The following SORCS3 variants were observed in gnomAD, a reference collection of about 807,000 sequenced individuals.
The protein encoded by SORCS3 is sortilin related VPS10 domain containing receptor 3.
In SORCS3, 57 loss-of-function variants were observed where a neutral mutation model predicts 146.3. The observed-to-expected ratio is 0.39, with a 90% CI of 0.31 to 0.49. SORCS3 has a LOEUF of 0.49. SORCS3 is among the 20% of genes least tolerant of loss of function. The probability of loss-of-function intolerance (pLI) is 0.92; values close to 1 mark genes in which losing one functional copy is unlikely to be tolerated. For synonymous variants in SORCS3, 653 were observed against 618.5 expected (o/e 1.06, Z -0.83); for missense variants, 1,341 against 1,575.5 (o/e 0.85, Z 2.52).
At chr10:105,209,543 A>G (rs987842639) in intron 16 of SORCS3, among the ~76,000 whole-genome samples, 1 of 152,220 alleles carries the variant, frequency 6.6e-6, no homozygotes, top group African/African-American at 2.4e-5. Flanking sequence ...CCAAAAACAA[A>G]CAAACAAACA....
intron 7 of SORCS3, among the ~76,000 whole-genome samples, chr10:105,121,461 G>T (rs1372366727): frequency 2.0e-5 from 3 of 152,144 alleles, no homozygotes; most frequent in Non-Finnish European, 4.4e-5. Context: ...GGCTGTCTGG[G>T]TTTATAAAGG....
chr10:105,003,057 G>A (rs567255036), intron 4 of SORCS3, among the ~76,000 whole-genome samples: 1 of 152,222 alleles, frequency 6.6e-6, no homozygotes, highest in Admixed American at 6.5e-5. Context: ...TGGTGGCACT[G>A]GGAAGTAAAC....
intron 1 of SORCS3, among the ~76,000 whole-genome samples, chr10:104,837,660 A>G (rs576713996): frequency 6.6e-6 from 1 of 152,334 alleles, no homozygotes; most frequent in East Asian, 1.9e-4. Context: ...CAAAGAAAAC[A>G]AAAGTTATCT....
At chr10:105,047,627 T>C (rs537204838) in intron 5 of SORCS3, among the ~76,000 whole-genome samples, 1 of 152,222 alleles carries the variant, frequency 6.6e-6, no homozygotes, top group African/African-American at 2.4e-5. Context: ...TATCAGGCCA[T>C]GTTAGGCAAT....
chr10:105,120,829 T>G (rs12267262), intron 7 of SORCS3, among the ~76,000 whole-genome samples: 1 of 151,958 alleles, frequency 6.6e-6, no homozygotes, highest in African/African-American at 2.4e-5. Flanking sequence ...CACCCCTGAG[T>G]TATTGGTAGT....
intron 1 of SORCS3, among the ~76,000 whole-genome samples, chr10:104,731,586 C>T (rs2016707219): frequency 1.3e-5 from 2 of 152,298 alleles, no homozygotes; most frequent in African/African-American, 2.4e-5. Context: ...AGACTCTAGG[C>T]TTTGGATCAC....
chr10:104,720,641 T>C (rs188662301), intron 1 of SORCS3, among the ~76,000 whole-genome samples: 4,736 of 152,252 alleles, frequency 0.031, 244 homozygotes, highest in African/African-American at 0.11. Flanking sequence ...GCACCTGTTG[T>C]TTCCTGACTT....
chr10:104,890,460 A>T (rs2018738746), intron 2 of SORCS3, among the ~76,000 whole-genome samples: 1 of 151,910 alleles, frequency 6.6e-6, no homozygotes, highest in Non-Finnish European at 1.5e-5. Context: ...TTTCCTTGTA[A>T]TGTCTAATCT....
At chr10:105,142,226 G>C (rs775108120) in intron 8 of SORCS3, among the ~76,000 whole-genome samples, 4 of 152,098 alleles carry the variant, frequency 2.6e-5, no homozygotes, top group Non-Finnish European at 5.9e-5. Context: ...TTCTGTATGG[G>C]ATTCAGGTTG....
chr10:105,164,487 A>C, intron 12 of SORCS3, 108 bp downstream of exon 12: 1 of 866,238 alleles, frequency 1.2e-6, no homozygotes, highest in Non-Finnish European at 1.9e-6. Context: ...GTAATTTCAA[A>C]ACATTTGAAG....
chr10:105,184,632 A>T (rs1420740759), intron 14 of SORCS3, among the ~76,000 whole-genome samples: 2 of 152,152 alleles, frequency 1.3e-5, no homozygotes, highest in African/African-American at 4.8e-5. Flanking sequence ...AAGTTTCCTT[A>T]TTTCTTTAAA....
chr10:105,230,832 A>G (rs999003925), intron 20 of SORCS3, among the ~76,000 whole-genome samples: 1 of 152,186 alleles, frequency 6.6e-6, no homozygotes, highest in Non-Finnish European at 1.5e-5. Flanking sequence ...GGTTCTCAAA[A>G]TGGCACCTTG....
intron 14 of SORCS3, among the ~76,000 whole-genome samples, chr10:105,191,414 G>A (rs1302830676): frequency 1.3e-5 from 2 of 152,114 alleles, no homozygotes; most frequent in African/African-American, 4.8e-5. Flanking sequence ...CTCAAAACCT[G>A]TACAGTTTTG....
At chr10:105,257,574 AT>A (rs1007578277) in intron 25 of SORCS3, among the ~76,000 whole-genome samples, 5 of 152,244 alleles carry the variant, frequency 3.3e-5, no homozygotes, top group African/African-American at 1.2e-4. Flanking sequence ...TAACATTCAA[AT>A]TATAACTTCT....
intron 25 of SORCS3, 74 bp from the exon 26 acceptor site, chr10:105,262,257 C>A: frequency 2.9e-6 from 4 of 1,383,750 alleles, no homozygotes; most frequent in South Asian, 1.2e-5. Context: ...CTCCCCTTAT[C>A]CCCCAGGATT....
At chr10:105,195,804 G>T (rs745758527) in intron 14 of SORCS3, among the ~76,000 whole-genome samples, 12 of 152,064 alleles carry the variant, frequency 7.9e-5, no homozygotes, top group Non-Finnish European at 1.6e-4. Flanking sequence ...TCTTATTTGG[G>T]GCCCATTGAG....
intron 23 of SORCS3, among the ~76,000 whole-genome samples, chr10:105,254,371 A>G (rs758249063): frequency 9.2e-5 from 14 of 152,238 alleles, no homozygotes; most frequent in Non-Finnish European, 1.8e-4. Flanking sequence ...ATAAAAGAGC[A>G]GTGAATTAGG....
chr10:104,642,920 T>G (rs570511356), intron 1 of SORCS3, among the ~76,000 whole-genome samples: 1 of 152,278 alleles, frequency 6.6e-6, no homozygotes, highest in Non-Finnish European at 1.5e-5. Context: ...CGCGCCTGCC[T>G]GGCAGCTGCA....
chr10:105,177,084 G>T (rs545151786), intron 13 of SORCS3, among the ~76,000 whole-genome samples: 1 of 151,958 alleles, frequency 6.6e-6, no homozygotes, highest in African/African-American at 2.4e-5. Context: ...CTCTGAACTC[G>T]CAGAGTTTAT....
Sources: allele counts gnomAD v4.1 joint callset (sites outside exome capture counted in the v4.1 genomes callset), GRCh38; gene constraint gnomAD v4.1.1; transcripts MANE v1.5; gene names NCBI Gene and HGNC (gene_info 2026-07-23, HGNC 2026-07-21).